Variants in UBE2E2 observed in about 807,000 individuals in gnomAD.
The protein encoded by UBE2E2 is ubiquitin conjugating enzyme E2 E2, also known as ubiquitin-conjugating enzyme E2 E2.
In UBE2E2, 6 loss-of-function variants were observed where a neutral mutation model predicts 24.7. That is an observed-to-expected ratio of 0.24 (90% confidence interval 0.13 to 0.48). The LOEUF (loss-of-function observed/expected upper bound fraction) is 0.48. UBE2E2 is among the 20% of genes least tolerant of loss of function. The probability of loss-of-function intolerance (pLI) is 0.99; values close to 1 mark genes in which losing one functional copy is unlikely to be tolerated. For synonymous variants in UBE2E2, 104 were observed against 83.6 expected, an observed-to-expected ratio of 1.24 and a Z score of -1.33; for missense variants, 169 against 245.0, an observed-to-expected ratio of 0.69 and a Z score of 2.07.
chr3:23,525,006 A>C (rs1694961302), intron 4 of UBE2E2, among the ~76,000 whole-genome samples: 1 of 152,148 alleles, frequency 6.6e-6, no homozygotes, highest in South Asian at 2.1e-4. Flanking sequence ...ACTCAAATCA[A>C]GGTATTAGCA....
intron 3 of UBE2E2, among the ~76,000 whole-genome samples, chr3:23,259,036 T>C (rs988689055): frequency 2.6e-5 from 4 of 152,198 alleles, no homozygotes; most frequent in Non-Finnish European, 4.4e-5. Flanking sequence ...TTTATTTCTT[T>C]AAGATAACCA....
chr3:23,561,452 C>T (rs1417539116), intron 5 of UBE2E2, among the ~76,000 whole-genome samples: 1 of 152,132 alleles, frequency 6.6e-6, no homozygotes, highest in East Asian at 1.9e-4. Context: ...GGTACCAGTA[C>T]CATGCTGTTT....
In UBE2E2 at chr3:23,299,485, C is replaced by G. The variant is rs371868202; in HGVS notation, c.227+82173C>G. Among the ~76,000 whole-genome samples, 54 of 150,884 alleles carry G rather than the reference C, an allele frequency of 3.6e-4. No individual in the cohort carries two copies. In the East Asian group the frequency reaches 9.5e-3, roughly 27 times the overall value. On this transcript the variant is annotated intron_variant, in intron 3 of 5. Transcript: ENST00000396703. Reference sequence around the variant, plus strand: ...TCCCAGAGATTCTGGTATGTTGTGTCTTTGTTCTCGTTGGTTTCAAAGAAC... The same window carrying G: ...TCCCAGAGATTCTGGTATGTTGTGTGTTTGTTCTCGTTGGTTTCAAAGAAC...
At chr3:23,259,097 G>A (rs930883498) in intron 3 of UBE2E2, among the ~76,000 whole-genome samples, 1 of 151,996 alleles carries the variant, frequency 6.6e-6, no homozygotes, top group Admixed American at 6.6e-5. Flanking sequence ...TGGAAAAGAC[G>A]TCACAAGTCA....
chr3:23,473,444 TTTCCATA>T (rs1699066900), intron 3 of UBE2E2, among the ~76,000 whole-genome samples: 1 of 150,866 alleles, frequency 6.6e-6, no homozygotes, highest in South Asian at 2.1e-4. Context: ...TTTTGTAGTA[TTTCCATA>T]GGTTTTTGGG....
intron 5 of UBE2E2, among the ~76,000 whole-genome samples, chr3:23,543,380 G>A (rs560023071): frequency 1.3e-5 from 2 of 152,190 alleles, no homozygotes; most frequent in South Asian, 4.2e-4. Context: ...TACAAAATCA[G>A]TGTACACAAA....
intron 3 of UBE2E2, among the ~76,000 whole-genome samples, chr3:23,488,488 A>C (rs1699428300): frequency 1.3e-5 from 2 of 152,228 alleles, no homozygotes; most frequent in South Asian, 4.1e-4. Context: ...TGTCTAAGAT[A>C]GTTAACTGTC....
intron 5 of UBE2E2, among the ~76,000 whole-genome samples, chr3:23,568,681 A>G (rs1416272600): frequency 9.2e-6 from 1 of 108,496 alleles, no homozygotes; most frequent in Admixed American, 8.4e-5. Flanking sequence ...ACATATATGT[A>G]TACATATATA....
At chr3:23,528,254 C>A (rs1053371344) in intron 4 of UBE2E2, among the ~76,000 whole-genome samples, 1 of 152,200 alleles carries the variant, frequency 6.6e-6, no homozygotes, top group Non-Finnish European at 1.5e-5. Context: ...AACCCAGATG[C>A]CCTTCAGTGG....
At position 23,485,668 on chromosome 3, in the gene UBE2E2, A is replaced by G. The variant is rs146280007; in HGVS notation, c.228-13940A>G. Among the ~76,000 whole-genome samples the G allele has an allele frequency of 1.8e-4, 27 of 152,346 alleles. No individual in the cohort carries two copies. The East Asian group carries it at 5.2e-3, about 29-fold the overall frequency. On this transcript the variant is annotated intron_variant, in intron 3 of 5. Coordinates refer to ENST00000396703, the MANE Select transcript of UBE2E2 (RefSeq NM_152653.4). ...GGAACTTTGGCCTGGCGCTGCCTTC[A>G]GATGTTATAGGATGGATGATGCAAA...
At chr3:23,555,112 T>C (rs759539171) in intron 5 of UBE2E2, among the ~76,000 whole-genome samples, 10 of 152,074 alleles carry the variant, frequency 6.6e-5, no homozygotes, top group Non-Finnish European at 1.3e-4. Flanking sequence ...AGATAGGATT[T>C]CACCATGTTG....
intron 3 of UBE2E2, among the ~76,000 whole-genome samples, chr3:23,283,027 A>G (rs968769162): frequency 5.9e-5 from 9 of 152,160 alleles, no homozygotes; most frequent in African/African-American, 2.2e-4. Flanking sequence ...GATAGAAACT[A>G]AACTTGAGCC....
intron 3 of UBE2E2, among the ~76,000 whole-genome samples, chr3:23,378,566 A>AT (rs1696582469): frequency 6.6e-6 from 1 of 152,234 alleles, no homozygotes. Flanking sequence ...ACATGTACCT[A>AT]TATGTAAAAT....
intron 3 of UBE2E2, among the ~76,000 whole-genome samples, chr3:23,316,799 C>G (rs919420971): frequency 6.6e-6 from 1 of 152,032 alleles, no homozygotes; most frequent in African/African-American, 2.4e-5. Context: ...AGGGCCTAAG[C>G]GCTCTTAAGT....
chr3:23,546,368 A>G (rs908559503), intron 5 of UBE2E2, among the ~76,000 whole-genome samples: 10 of 150,404 alleles, frequency 6.6e-5, no homozygotes, highest in South Asian at 2.1e-4. Flanking sequence ...CTTTACTCAC[A>G]TGTCTTTTAC....
chr3:23,333,158 T>C (rs921475594), intron 3 of UBE2E2, among the ~76,000 whole-genome samples: 1 of 152,136 alleles, frequency 6.6e-6, no homozygotes, highest in African/African-American at 2.4e-5. Context: ...CTGAGACTAG[T>C]GGTTTTCAAA....
rs540194899 is a variant in UBE2E2 at position 23,350,841 on chromosome 3, A to G, written c.227+133529A>G. On this transcript the variant is annotated intron_variant, in intron 3 of 5. Transcript: ENST00000396703. ...GATATTGTCCAGGAGAACTTCCCCA[A>G]TCTAGCAAGGCAGACCAACATTCAG... Among the ~76,000 whole-genome samples, 25 of 152,356 alleles carry G rather than the reference A, an allele frequency of 1.6e-4. No individual in the cohort carries two copies. In the South Asian group the frequency reaches 2.7e-3, roughly 16 times the overall value.
At chr3:23,577,058 T>A (rs1202276295) in intron 5 of UBE2E2, among the ~76,000 whole-genome samples, 1 of 152,134 alleles carries the variant, frequency 6.6e-6, no homozygotes, top group Non-Finnish European at 1.5e-5. Flanking sequence ...TATTATTATA[T>A]CCTTTATGGT....
chr3:23,341,692 C>A (rs564305338), intron 3 of UBE2E2, among the ~76,000 whole-genome samples: 1 of 152,204 alleles, frequency 6.6e-6, no homozygotes, highest in East Asian at 1.9e-4. Context: ...TCTTTTCTTT[C>A]ACTTCCTTCT....
Sources: allele counts gnomAD v4.1 joint callset (sites outside exome capture counted in the v4.1 genomes callset), GRCh38; gene constraint gnomAD v4.1.1; transcripts MANE v1.5; gene names NCBI Gene and HGNC (gene_info 2026-07-23, HGNC 2026-07-21).